CNBD1: variants seen among roughly 807,000 people sequenced by gnomAD.
CNBD1 encodes the protein cyclic nucleotide binding domain containing 1.
CNBD1 carries 71 observed loss-of-function variants against 54.4 expected under a neutral mutation model. The observed-to-expected ratio is 1.30, with a 90% CI of 1.08 to 1.59. The LOEUF (loss-of-function observed/expected upper bound fraction) is 1.59. Among genes scored for constraint, CNBD1 ranks in the 40% most tolerant of loss-of-function variants. The pLI is 0.00. For missense variants in CNBD1, 659 were observed against 518.0 expected, an observed-to-expected ratio of 1.27 and a Z score of -2.64; for synonymous variants, 182 against 170.7, an observed-to-expected ratio of 1.07 and a Z score of -0.51.
At chr8:86,943,359 C>A (rs1428936941) in intron 4 of CNBD1, among the ~76,000 whole-genome samples, 1 of 120,364 alleles carries the variant, frequency 8.3e-6, no homozygotes, top group African/African-American at 3.4e-5. Flanking sequence ...GAGCAAGACT[C>A]CATCTCAAAA....
chr8:87,096,186 A>T (rs192020707), intron 4 of CNBD1, among the ~76,000 whole-genome samples: 128 of 152,270 alleles, frequency 8.4e-4, no homozygotes, highest in African/African-American at 2.9e-3. Flanking sequence ...TGGGCAACTT[A>T]AACAATAGAA....
chr8:86,921,858 T>C (rs1277474274), intron 3 of CNBD1, among the ~76,000 whole-genome samples: 3 of 152,124 alleles, frequency 2.0e-5, no homozygotes, highest in African/African-American at 7.2e-5. Flanking sequence ...ACCAACTGTG[T>C]GCTAAGTGCA....
chr8:86,988,024 A>T (rs992070607), intron 4 of CNBD1, among the ~76,000 whole-genome samples: 1 of 152,120 alleles, frequency 6.6e-6, no homozygotes, highest in African/African-American at 2.4e-5. Flanking sequence ...AATGAGCAGG[A>T]AGGAAACTCT....
At chr8:86,984,737 G>A (rs1808566545) in intron 4 of CNBD1, among the ~76,000 whole-genome samples, 1 of 152,126 alleles carries the variant, frequency 6.6e-6, no homozygotes, top group Non-Finnish European at 1.5e-5. Context: ...CATTTGGAAT[G>A]GGTATATTTA....
intron 2 of CNBD1, among the ~76,000 whole-genome samples, chr8:87,400,742 G>GA (rs1040542498): frequency 3.7e-4 from 56 of 151,494 alleles, no homozygotes; most frequent in East Asian, 2.7e-3. Context: ...ATTCTCAAAG[G>GA]AAAAAAAATT....
chr8:86,873,923 A>T (rs764187471), intron 1 of CNBD1, among the ~76,000 whole-genome samples: 1 of 152,184 alleles, frequency 6.6e-6, no homozygotes, highest in African/African-American at 2.4e-5. Flanking sequence ...TTAAAAAAAC[A>T]TTGTTACATA....
intron 6 of CNBD1, among the ~76,000 whole-genome samples, chr8:87,253,008 T>C (rs1435731754): frequency 6.6e-6 from 1 of 151,910 alleles, no homozygotes; most frequent in Non-Finnish European, 1.5e-5. Context: ...ATGTGAAAAG[T>C]TTGGGAAATT....
intron 4 of CNBD1, among the ~76,000 whole-genome samples, chr8:86,966,484 TTCTGG>T (rs1451158725): frequency 1.3e-5 from 2 of 152,230 alleles, no homozygotes; most frequent in Non-Finnish European, 2.9e-5. Context: ...ACTTTCTTCC[TTCTGG>T]TGGGTTCTTG....
chr8:87,210,973 A>G (rs1192748204), intron 5 of CNBD1, among the ~76,000 whole-genome samples: 1 of 152,062 alleles, frequency 6.6e-6, no homozygotes, highest in Non-Finnish European at 1.5e-5. Context: ...AGCTGCAGCT[A>G]CTCAACTCCT....
rs199778499 is a variant in CNBD1, at chr8:86,905,111, C to T, written c.189C>T (p.His63=). The change falls in exon 3 of 11, where the codon CAC becomes CAT. Residue 63 remains histidine, a synonymous_variant. Coordinates refer to ENST00000518476, the MANE Select transcript of CNBD1 (RefSeq NM_173538.3). ...GTATGAGCAATATCTTATCAGCTCA[C>T]GATACATTTATGAAGCAATATCCTA... is the stretch of plus-strand genomic sequence containing the variant. ...SRSMSNILSA[H]DTFMKQYPKV... The T allele has an allele frequency of 3.2e-4, 522 of 1,611,140 alleles. 5 individuals are homozygous for T. The highest frequency in any genetic ancestry group is 3.1e-4 in the Non-Finnish European group (366 of 1,178,058).
At chr8:87,190,925 A>G (rs1245494679) in intron 4 of CNBD1, among the ~76,000 whole-genome samples, 1 of 149,156 alleles carries the variant, frequency 6.7e-6, no homozygotes, top group Non-Finnish European at 1.5e-5. Context: ...ATCTATATCT[A>G]TTTAGATATA....
intron 4 of CNBD1, among the ~76,000 whole-genome samples, chr8:87,205,766 T>G (rs1242645715): frequency 6.6e-6 from 1 of 152,162 alleles, no homozygotes; most frequent in East Asian, 1.9e-4. Flanking sequence ...AAAGGCATTG[T>G]GTAATTTCCT....
chr8:87,391,479 G>A (rs938600412), intron 2 of CNBD1, among the ~76,000 whole-genome samples: 1 of 152,098 alleles, frequency 6.6e-6, no homozygotes, highest in Non-Finnish European at 1.5e-5. Flanking sequence ...AAGTGTATGT[G>A]TATTGGCAAA....
At chr8:87,395,800 G>A (rs1018720938) in intron 2 of CNBD1, among the ~76,000 whole-genome samples, 6 of 151,884 alleles carry the variant, frequency 4.0e-5, no homozygotes, top group Non-Finnish European at 7.4e-5. Context: ...GGGACCTGGT[G>A]AGAGATAATT....
intron 8 of CNBD1, among the ~76,000 whole-genome samples, chr8:87,339,085 C>T (rs1563559706): frequency 6.6e-6 from 1 of 152,006 alleles, no homozygotes; most frequent in East Asian, 1.9e-4. Context: ...TTTCTTCCTT[C>T]AGGTCAAGCA....
At chr8:87,258,523 T>C (rs1808067738) in intron 6 of CNBD1, among the ~76,000 whole-genome samples, 1 of 151,918 alleles carries the variant, frequency 6.6e-6, no homozygotes, top group Non-Finnish European at 1.5e-5. Context: ...ACTCCTAATC[T>C]CAAGTGATCT....
intron 8 of CNBD1, among the ~76,000 whole-genome samples, chr8:87,290,889 A>G (rs1808772596): frequency 6.6e-6 from 1 of 151,732 alleles, no homozygotes; most frequent in Non-Finnish European, 1.5e-5. Flanking sequence ...TGGTTTCAAT[A>G]TTTTCTCCTT....
rs1053806656 is a variant in CNBD1 at position 87,393,689 on chromosome 8, C to A, written c.214-34857C>A. On this transcript the variant is annotated intron_variant, in intron 2 of 7. Coordinates refer to the CNBD1 transcript ENST00000521593. ...GCAATAGACTAGTGAAAGTTAAATG[C>A]CAAGATGAGTGGTTAAAATCTTAAG... Among the ~76,000 whole-genome samples, 75 of 151,810 alleles carry A rather than the reference C, an allele frequency of 4.9e-4. 1 individual carries two copies. The highest frequency in any genetic ancestry group is 1.3e-4 in the Non-Finnish European group (9 of 67,858).
chr8:87,420,902 T>C (rs965621072), intron 2 of CNBD1, among the ~76,000 whole-genome samples: 1 of 151,998 alleles, frequency 6.6e-6, no homozygotes, highest in Non-Finnish European at 1.5e-5. Flanking sequence ...ATCTCCCTCA[T>C]AACATGTTAC....
Sources: gnomAD v4.1 joint callset for allele counts (sites outside exome capture counted in the v4.1 genomes callset) on GRCh38, gnomAD v4.1.1 for gene constraint, MANE v1.5 for transcripts, NCBI Gene and HGNC (gene_info 2026-07-23, HGNC 2026-07-21) for gene names.